Variants in UNC13C observed in about 807,000 individuals in gnomAD.
UNC13C encodes the protein protein unc-13 homolog C.
In UNC13C, 174 loss-of-function variants were observed where a neutral mutation model predicts 245.4. That is an observed-to-expected ratio of 0.71 (90% CI 0.63 to 0.80). The LOEUF is 0.80. UNC13C is among the 30% of genes least tolerant of loss of function. The probability of loss-of-function intolerance (pLI) is 0.00; values close to 1 mark genes in which losing one functional copy is unlikely to be tolerated. For synonymous variants in UNC13C, 992 were observed against 895.1 expected, an observed-to-expected ratio of 1.11 and a Z score of -1.93; for missense variants, 2,829 against 2,602.9, an observed-to-expected ratio of 1.09 and a Z score of -1.89.
intron 19 of UNC13C, among the ~76,000 whole-genome samples, chr15:54,451,292 T>G (rs1891160369): frequency 6.6e-6 from 1 of 152,142 alleles, no homozygotes; most frequent in South Asian, 2.1e-4. Flanking sequence ...GTATTTTTGG[T>G]GGATACTTTT....
the UNC13C span, among the ~76,000 whole-genome samples, chr15:53,904,950 G>A: frequency 6.6e-6 from 1 of 152,096 alleles, no homozygotes; most frequent in South Asian, 2.1e-4. Context: ...GTAAGTGTTG[G>A]ATATGTTTTT....
intron 2 of UNC13C, among the ~76,000 whole-genome samples, chr15:54,022,589 C>G (rs969035654): frequency 6.6e-6 from 1 of 152,086 alleles, no homozygotes; most frequent in Admixed American, 6.6e-5. Context: ...ATTTTAAAAC[C>G]AGGTTACTTA....
At chr15:53,935,032 G>C in the UNC13C span, among the ~76,000 whole-genome samples, 1 of 152,098 alleles carries the variant, frequency 6.6e-6, no homozygotes, top group African/African-American at 2.4e-5. Flanking sequence ...AAGGAGCCAG[G>C]ATGCAGAGAT....
chr15:54,562,714 C>T (rs775234331), intron 29 of UNC13C, among the ~76,000 whole-genome samples: 12 of 151,928 alleles, frequency 7.9e-5, no homozygotes, highest in Admixed American at 2.0e-4. Flanking sequence ...TTTCAGATAT[C>T]GAAGAAAACT....
chr15:54,067,742 T>A (rs929268625), intron 2 of UNC13C, among the ~76,000 whole-genome samples: 25 of 152,208 alleles, frequency 1.6e-4, no homozygotes, highest in Non-Finnish European at 3.1e-4. Context: ...TGAGATTAGA[T>A]AATTCCTAAG....
chr15:54,120,699 A>G (rs111766346), intron 2 of UNC13C, among the ~76,000 whole-genome samples: 46 of 152,160 alleles, frequency 3.0e-4, no homozygotes, highest in African/African-American at 1.1e-3. Context: ...TCTAGATGTC[A>G]TTAAGGCCAT....
At chr15:53,905,550 A>T in the UNC13C span, among the ~76,000 whole-genome samples, 1 of 152,138 alleles carries the variant, frequency 6.6e-6, no homozygotes, top group African/African-American at 2.4e-5. Context: ...GGTCTCATTC[A>T]TATGTAGAAT....
At chr15:54,392,785 G>A (rs183054908) in intron 17 of UNC13C, among the ~76,000 whole-genome samples, 1 of 151,792 alleles carries the variant, frequency 6.6e-6, no homozygotes, top group African/African-American at 2.4e-5. Context: ...CTCTAATCCA[G>A]AACAACAACA....
chr15:54,359,010 A>AT (rs1181572823), intron 17 of UNC13C, among the ~76,000 whole-genome samples: 1 of 151,594 alleles, frequency 6.6e-6, no homozygotes, highest in African/African-American at 2.4e-5. Context: ...TTTGTTGAAG[A>AT]TTTTTTTATC....
At chr15:54,020,171 T>C (rs1023998852) in intron 2 of UNC13C, among the ~76,000 whole-genome samples, 8 of 152,200 alleles carry the variant, frequency 5.3e-5, no homozygotes, top group African/African-American at 1.9e-4. Context: ...CTAAAAGCTA[T>C]GTAGCAAATA....
At chr15:54,362,685 G>A (rs2039262107) in intron 17 of UNC13C, among the ~76,000 whole-genome samples, 1 of 152,058 alleles carries the variant, frequency 6.6e-6, no homozygotes, top group Non-Finnish European at 1.5e-5. Context: ...CTTGAGGATG[G>A]GGTCCAACAT....
intron 1 of UNC13C, among the ~76,000 whole-genome samples, chr15:53,999,742 T>G (rs1302537163): frequency 6.6e-6 from 1 of 152,098 alleles, no homozygotes; most frequent in Admixed American, 6.5e-5. Context: ...ATGTTGTTTT[T>G]TTAAATTATT....
chr15:54,124,980 G>A lies in UNC13C; in HGVS notation c.2984-18038G>A, dbSNP rs7182696. Among the ~76,000 whole-genome samples the A allele has an allele frequency of 1.4e-4, 21 of 152,012 alleles. No individual in the cohort carries two copies. The East Asian group carries it at 3.9e-3, about 28-fold the overall frequency. ...GGGTCTTTTTCTGGGCTCTCTATTC[G>A]GTTTCATAAATCTAAATGCCATTCC... is the stretch of plus-strand genomic sequence containing the variant. On this transcript the variant is annotated intron_variant, in intron 2 of 32. Transcript: ENST00000260323.
chr15:53,934,693 A>G, the UNC13C span, among the ~76,000 whole-genome samples: 1 of 152,184 alleles, frequency 6.6e-6, no homozygotes, highest in East Asian at 1.9e-4. Context: ...ACAGATACTC[A>G]TTTCTCATAG....
chr15:54,391,524 C>G (rs1331420849), intron 17 of UNC13C, among the ~76,000 whole-genome samples: 1 of 151,898 alleles, frequency 6.6e-6, no homozygotes, highest in African/African-American at 2.4e-5. Flanking sequence ...TAATATAACC[C>G]AGGAATTGAA....
the UNC13C span, among the ~76,000 whole-genome samples, chr15:53,923,326 C>T: frequency 6.6e-6 from 1 of 152,136 alleles, no homozygotes; most frequent in African/African-American, 2.4e-5. Context: ...ATAATAGATG[C>T]CCAATAATTA....
At chr15:54,587,085 AC>A (rs1246302118) in intron 30 of UNC13C, among the ~76,000 whole-genome samples, 1 of 152,212 alleles carries the variant, frequency 6.6e-6, no homozygotes, top group Non-Finnish European at 1.5e-5. Flanking sequence ...TCCATCACTT[AC>A]TACCACCATA....
chr15:54,401,778 G>T (rs117915887), intron 18 of UNC13C, among the ~76,000 whole-genome samples: 1,730 of 152,146 alleles, frequency 0.011, 14 homozygotes, highest in Non-Finnish European at 0.016. Flanking sequence ...TCCGGAAGGA[G>T]CATCTTGTCT....
At chr15:54,562,935 T>C (rs1246244992) in intron 29 of UNC13C, among the ~76,000 whole-genome samples, 4 of 152,058 alleles carry the variant, frequency 2.6e-5, no homozygotes, top group Non-Finnish European at 5.9e-5. Context: ...CCTGTCTACC[T>C]CTGTTGATGC....
Sources: gnomAD v4.1 joint callset for allele counts (sites outside exome capture counted in the v4.1 genomes callset) on GRCh38, gnomAD v4.1.1 for gene constraint, MANE v1.5 for transcripts, NCBI Gene and HGNC (gene_info 2026-07-23, HGNC 2026-07-21) for gene names.